DHRSX: variants seen among roughly 807,000 people sequenced by gnomAD.
DHRSX encodes dehydrogenase/reductase X-linked, also known as polyprenol dehydrogenase.
DHRSX carries 31 observed loss-of-function variants against 34.0 expected under a neutral mutation model. That is an observed-to-expected ratio of 0.91 (90% CI 0.69 to 1.23). The LOEUF (loss-of-function observed/expected upper bound fraction) is 1.23, where lower values mean the gene tolerates loss of function less well. Among genes scored for constraint, DHRSX ranks in the 50% most tolerant of loss-of-function variants. The pLI is 0.00. For synonymous variants in DHRSX, 201 were observed against 183.8 expected (o/e 1.09, Z -0.76); for missense variants, 414 against 428.1 (o/e 0.97, Z 0.29).
In DHRSX at chrX:2,346,824, A is replaced by T. The variant is rs181195807; in HGVS notation, c.287-55221T>A. On this transcript the variant is annotated intron_variant, in intron 3 of 6. Transcript: ENST00000334651. The stretch of plus-strand genomic sequence containing the variant: ...AGTCCCCTACTCCCCGACAGGCCCC[A>T]GTGTGTGATGTTCCCCTCCCTGTGT... Among the ~76,000 whole-genome samples, 46 of 149,848 alleles carry T rather than the reference A, an allele frequency of 3.1e-4. No homozygotes were observed. The East Asian group carries it at 4.5e-3, about 15-fold the overall frequency.
chrX:2,285,474 T>A (rs1192443814), intron 4 of DHRSX, among the ~76,000 whole-genome samples: 2 of 152,206 alleles, frequency 1.3e-5, no homozygotes, highest in Admixed American at 6.5e-5. Flanking sequence ...AAGAATCTAA[T>A]GCTGCTGCTG....
At chrX:2,282,862 GGA>G (rs199514819) in intron 4 of DHRSX, among the ~76,000 whole-genome samples, 2,463 of 136,868 alleles carry the variant, frequency 0.018, 75 homozygotes, top group African/African-American at 0.054. Context: ...AGGGAGAAGG[GGA>G]GAGAGAGGGG....
At chrX:2,376,850 C>T (rs979835442) in intron 3 of DHRSX, among the ~76,000 whole-genome samples, 49 of 151,962 alleles carry the variant, frequency 3.2e-4, no homozygotes, top group African/African-American at 9.9e-4. Context: ...AAAAATTAGC[C>T]GGGCACGGTG....
At chrX:2,243,001 C>A (rs772000320) in intron 6 of DHRSX, 22 bp downstream of exon 6, 1 of 1,607,456 alleles carries the variant, frequency 6.2e-7, no homozygotes, top group Non-Finnish European at 8.5e-7. Context: ...AGCCGTGAAT[C>A]AGAGAAGCAG....
At chrX:2,378,838 T>A (rs909808191) in intron 3 of DHRSX, among the ~76,000 whole-genome samples, 7 of 152,068 alleles carry the variant, frequency 4.6e-5, no homozygotes, top group Non-Finnish European at 1.0e-4. Context: ...GCCTGGCTAC[T>A]TTTTTGTATT....
At chrX:2,465,809 C>CAAAAAAAAAAAA (rs375728172) in intron 1 of DHRSX, among the ~76,000 whole-genome samples, 23 of 84,698 alleles carry the variant, frequency 2.7e-4, no homozygotes, top group African/African-American at 8.1e-4. Context: ...AACTCCATCG[C>CAAAAAAAAAAAA]AAAAAAAAAA....
chrX:2,399,743 C>CAAAAAAAAAAAAAAAAAAAAAAAA (rs951340315), intron 3 of DHRSX, among the ~76,000 whole-genome samples: 47 of 54,622 alleles, frequency 8.6e-4, no homozygotes, highest in African/African-American at 1.3e-3. Context: ...AAAAAAAAAA[C>CAAAAAAAAAAAAAAAAAAAAAAAA]AAAAAAACAC....
chrX:2,309,877 C>G (rs1260228639), intron 3 of DHRSX, among the ~76,000 whole-genome samples: 1 of 152,128 alleles, frequency 6.6e-6, no homozygotes, highest in Non-Finnish European at 1.5e-5. Context: ...TATGCCTCTG[C>G]ACCTCTGCAC....
intron 3 of DHRSX, among the ~76,000 whole-genome samples, chrX:2,370,604 A>T (rs1393768481): frequency 1.3e-5 from 2 of 152,012 alleles, no homozygotes; most frequent in Non-Finnish European, 2.9e-5. Context: ...AAAAAAAAAA[A>T]AAAATTCCCT....
intron 1 of DHRSX, among the ~76,000 whole-genome samples, chrX:2,425,968 C>A (rs1283609638): frequency 6.6e-6 from 1 of 152,072 alleles, no homozygotes; most frequent in Non-Finnish European, 1.5e-5. Flanking sequence ...GTCCCTGACT[C>A]TCTGGTACCT....
chrX:2,367,440 A>G, intron 3 of DHRSX, among the ~76,000 whole-genome samples: 1 of 152,086 alleles, frequency 6.6e-6, no homozygotes, highest in African/African-American at 2.4e-5. Flanking sequence ...TGTCTCAAAA[A>G]AAAAAAGAAA....
chrX:2,360,536 T>A (rs1393587393), intron 3 of DHRSX, among the ~76,000 whole-genome samples: 2 of 152,002 alleles, frequency 1.3e-5, no homozygotes, highest in East Asian at 1.9e-4. Flanking sequence ...TGAGCCAAGA[T>A]CGCGCCACTG....
intron 3 of DHRSX, among the ~76,000 whole-genome samples, chrX:2,313,998 TC>T (rs1292815552): frequency 6.6e-6 from 1 of 151,770 alleles, no homozygotes; most frequent in African/African-American, 2.4e-5. Flanking sequence ...AAAGGAAATG[TC>T]CAGGTGGAGA....
chrX:2,304,080 G>C (rs1316145510), intron 3 of DHRSX, among the ~76,000 whole-genome samples: 2 of 147,350 alleles, frequency 1.4e-5, no homozygotes, highest in African/African-American at 5.0e-5. Context: ...TGGATGGATG[G>C]GTGGGTGGGT....
intron 1 of DHRSX, among the ~76,000 whole-genome samples, chrX:2,484,304 A>G (rs2044824711): frequency 6.6e-6 from 1 of 152,180 alleles, no homozygotes; most frequent in Non-Finnish European, 1.5e-5. Context: ...GGCAAAACTA[A>G]GTTGTTGAGA....
intron 3 of DHRSX, among the ~76,000 whole-genome samples, chrX:2,395,367 A>G (rs776536010): frequency 3.4e-4 from 51 of 152,174 alleles, no homozygotes; most frequent in African/African-American, 1.2e-3. Context: ...GAGCTACGTA[A>G]GTCCCTGCGC....
intron 1 of DHRSX, among the ~76,000 whole-genome samples, chrX:2,470,551 T>A (rs949882468): frequency 1.3e-5 from 2 of 151,846 alleles, no homozygotes; most frequent in African/African-American, 2.4e-5. Context: ...CTACAAAAAA[T>A]TTAAAAATTA....
chrX:2,411,987 G>A (rs1270550716), intron 2 of DHRSX, among the ~76,000 whole-genome samples: 4 of 152,294 alleles, frequency 2.6e-5, no homozygotes, highest in Non-Finnish European at 2.9e-5. Context: ...GAGGTGGCAC[G>A]TGCGGTATCT....
chrX:2,467,235 G>A (rs1030101197), intron 1 of DHRSX, among the ~76,000 whole-genome samples: 49 of 152,060 alleles, frequency 3.2e-4, no homozygotes, highest in Admixed American at 2.8e-3. Context: ...TCCTTTCTAC[G>A]TAGAAGGTGC....
Sources: gnomAD v4.1 joint callset for allele counts (sites outside exome capture counted in the v4.1 genomes callset) on GRCh38, gnomAD v4.1.1 for gene constraint, MANE v1.5 for transcripts, NCBI Gene and HGNC (gene_info 2026-07-23, HGNC 2026-07-21) for gene names.